Variants in USP24 observed in about 807,000 individuals in gnomAD.
The protein encoded by USP24 is ubiquitin specific peptidase 24.
Under a neutral mutation model 361.6 loss-of-function variants are expected in USP24, and 97 were observed. The observed-to-expected ratio is 0.27, with a 90% CI of 0.23 to 0.32. The LOEUF is 0.32. Among genes scored for constraint, USP24 ranks in the 10% least tolerant of loss-of-function variants. USP24 has a pLI of 1.00. For synonymous variants in USP24, 1,098 were observed against 1,124.6 expected (o/e 0.98, Z 0.47); for missense variants, 2,353 against 3,165.6 (o/e 0.74, Z 6.16).
At chr1:55,081,464 T>A (rs762287183) in intron 58 of USP24, 40 bp from the exon 59 acceptor site, 1 of 1,566,768 alleles carries the variant, frequency 6.4e-7, no homozygotes, top group Admixed American at 1.7e-5. Context: ...AGTGTTGTCG[T>A]CAGAAATAAT....
chr1:55,159,739 A>G lies in USP24; in HGVS notation c.994-54T>C, dbSNP rs573350570. On this transcript the variant is annotated intron_variant, in intron 8 of 67. Transcript: ENST00000294383. ...ACTCCCGAAGCTGTCCCAAAAGTAG[A>G]GAGAGAATACTTCTTCATCTACAAT... The G allele has an allele frequency of 2.1e-6, 3 of 1,452,464 alleles. No homozygotes were observed. In the African/African-American group the frequency reaches 4.2e-5, roughly 20 times the overall value. 90.0% of individuals were successfully genotyped at this position (1,452,464 alleles called of 1,614,324 possible).
intron 24 of USP24, among the ~76,000 whole-genome samples, chr1:55,140,459 C>G (rs1037131232): frequency 3.9e-5 from 6 of 152,078 alleles, no homozygotes; most frequent in South Asian, 2.1e-4. Flanking sequence ...TGTTAGTGTT[C>G]TTATCATGAG....
chr1:55,110,683 A>G (rs1278215153), intron 38 of USP24, among the ~76,000 whole-genome samples: 1 of 152,168 alleles, frequency 6.6e-6, no homozygotes, highest in Non-Finnish European at 1.5e-5. Context: ...AGAAAAACAG[A>G]GCAGAGTAAG....
At chr1:55,142,313 ACTAACTGT>A (rs1646911761) in intron 23 of USP24, among the ~76,000 whole-genome samples, 1 of 152,146 alleles carries the variant, frequency 6.6e-6, no homozygotes, top group South Asian at 2.1e-4. Flanking sequence ...ACCACCTACT[ACTAACTGT>A]CTTGCTGTGG....
At chr1:55,099,311 C>T (rs147265281) in intron 45 of USP24, among the ~76,000 whole-genome samples, 3,753 of 152,288 alleles carry the variant, frequency 0.025, 57 homozygotes, top group Non-Finnish European at 0.037. Context: ...AATCCCAGCA[C>T]TTTGGGAGGC....
chr1:55,105,770 T>G lies in USP24; in HGVS notation c.4880+376A>C, dbSNP rs1167889527. ...AGCCAGCACTCAGCAAACGACAAGG[T>G]TCATGCACTAAAGCACCTATCGTTT... On this transcript the variant is annotated intron_variant, in intron 41 of 67. Coordinates refer to ENST00000294383, the MANE Select transcript of USP24 (RefSeq NM_015306.3). Among the ~76,000 whole-genome samples, 4 of 152,156 alleles carry G rather than the reference T, an allele frequency of 2.6e-5. No homozygotes were observed. The South Asian group carries it at 8.3e-4, about 32-fold the overall frequency.
chr1:55,158,639 C>A (rs957344735), intron 10 of USP24, among the ~76,000 whole-genome samples: 1 of 152,144 alleles, frequency 6.6e-6, no homozygotes, highest in Admixed American at 6.5e-5. Flanking sequence ...GGATTATATT[C>A]TAGGAAATTT....
At chr1:55,111,322 A>G (rs1466098193) in intron 38 of USP24, among the ~76,000 whole-genome samples, 1 of 152,126 alleles carries the variant, frequency 6.6e-6, no homozygotes, top group Non-Finnish European at 1.5e-5. Context: ...AGATTCTTTA[A>G]GAGTATATGT....
At chr1:55,206,608 T>C (rs1644710925) in intron 1 of USP24, among the ~76,000 whole-genome samples, 1 of 147,614 alleles carries the variant, frequency 6.8e-6, no homozygotes. Context: ...TTAAAACTTA[T>C]ATTTTAGAGA....
At chr1:55,190,873 A>G (rs983764554) in intron 1 of USP24, among the ~76,000 whole-genome samples, 2 of 152,256 alleles carry the variant, frequency 1.3e-5, no homozygotes, top group Admixed American at 1.3e-4. Context: ...AGAAGATTAC[A>G]GATCAAATTA....
chr1:55,080,371 CTG>C, intron 59 of USP24, among the ~76,000 whole-genome samples: 1 of 152,282 alleles, frequency 6.6e-6, no homozygotes, highest in East Asian at 1.9e-4. Context: ...GAAGGATGCT[CTG>C]TGTTTTTATT....
chr1:55,083,206 C>T (rs900687206), intron 58 of USP24, 66 bp downstream of exon 58: 1 of 1,511,468 alleles, frequency 6.6e-7, no homozygotes, highest in Non-Finnish European at 9.1e-7. Context: ...TTATCACCTA[C>T]AAAAAGAAAC....
Position 55,097,723 on chromosome 1 carries a change from GAA to G in USP24, c.5596-8_5596-7del. ...GTCCTTTTCACTGTTATTCTCTAAAGAAAAAAAAAAGGAAAAAGAGCAAATCT... is the reference window on the plus strand; with the variant it reads ...GTCCTTTTCACTGTTATTCTCTAAAGAAAAAAAAGGAAAAAGAGCAAATCT... On this transcript the variant is annotated splice_polypyrimidine_tract_variant and splice_region_variant and intron_variant, in intron 47 of 67. Coordinates refer to ENST00000294383, the MANE Select transcript of USP24 (RefSeq NM_015306.3). 7 of 1,315,886 alleles carry G rather than the reference GAA, an allele frequency of 5.3e-6. No homozygotes were observed. The highest frequency in any genetic ancestry group is 2.9e-5 in the East Asian group (1 of 34,260). The allele number at this position is 1,315,886 out of a possible 1,614,324, so 81.5% of individuals were successfully genotyped here. A position where few individuals can be genotyped will look rare whatever the true frequency, so the allele number is the denominator to read the frequency against.
Position 55,154,679 on chromosome 1 carries a change from T to G in USP24, c.1546A>C (p.Ile516Leu), listed in dbSNP as rs189062474. The change falls in exon 13 of 68, where the codon ATT (isoleucine) becomes CTT (leucine). Residue 516 changes from isoleucine (I) to leucine (L), a missense_variant. Ile to Leu is a conservative substitution (Grantham distance 5, BLOSUM62 2). Around this residue, in one of 8 missense-constraint regions of USP24, gnomAD observed 386 missense variants for 560.5 expected, o/e 0.69. Coordinates refer to ENST00000294383, the MANE Select transcript of USP24 (RefSeq NM_015306.3). Reference sequence around the variant, plus strand: ...TCTGACTGAACACGTACCTTCTGAATGAGAACAAACAAATGATTAAGCTGA... The same window carrying G: ...TCTGACTGAACACGTACCTTCTGAAGGAGAACAAACAAATGATTAAGCTGA... ...SDQLNHLFVL[I>L]QKSWETESDR... The G allele has an allele frequency of 6.2e-7, 1 of 1,612,948 alleles. No individual in the cohort carries two copies. The highest frequency in any genetic ancestry group is 1.7e-5 in the Admixed American group (1 of 59,904).
chr1:55,120,480 GAAGA>G (rs1361523854), intron 38 of USP24, 112 bp downstream of exon 38: 21 of 1,255,920 alleles, frequency 1.7e-5, no homozygotes, highest in Middle Eastern at 2.8e-4. Context: ...AATTTCAGAA[GAAGA>G]AAGAAATTCT....
chr1:55,081,223 C>A, intron 59 of USP24, 99 bp downstream of exon 59: 1 of 1,225,532 alleles, frequency 8.2e-7, no homozygotes, highest in Non-Finnish European at 1.1e-6. Context: ...AGCAAGTAGT[C>A]GAATGAGAAA....
chr1:55,122,079 C>T (rs1646298902), intron 36 of USP24, among the ~76,000 whole-genome samples: 1 of 152,062 alleles, frequency 6.6e-6, no homozygotes, highest in Non-Finnish European at 1.5e-5. Context: ...AAGTCTCTGT[C>T]CTCATGGAGC....
chr1:55,110,596 G>A lies in USP24; in HGVS notation c.4509-350C>T, dbSNP rs573502782. 4.9e-4 allele frequency among the ~76,000 whole-genome samples: 74 copies of A among 152,258 alleles called. 1 individual carries two copies. Among genetic ancestry groups the A allele is most frequent in the African/African-American group, 1.7e-3 (70 of 41,566 alleles). On this transcript the variant is annotated intron_variant, in intron 38 of 67. Coordinates refer to ENST00000294383, the MANE Select transcript of USP24 (RefSeq NM_015306.3). ...ACAAATGCCTGGAACTGTTTTGGGA[G>A]ATTAGTGAACTTAAGAAGGGAGACA...
chr1:55,144,931 T>C (rs1038791668), intron 20 of USP24, among the ~76,000 whole-genome samples: 10 of 152,162 alleles, frequency 6.6e-5, no homozygotes, highest in South Asian at 2.1e-4. Context: ...TAAGACTCCA[T>C]CTCAAACAAA....
Sources: gnomAD v4.1 joint callset for allele counts (sites outside exome capture counted in the v4.1 genomes callset) on GRCh38, gnomAD v4.1.1 for gene constraint, gnomAD v4.1.1 regional missense constraint, MANE v1.5 for transcripts, NCBI Gene and HGNC (gene_info 2026-07-23, HGNC 2026-07-21) for gene names.